The following LHX8 variants were observed in gnomAD, a reference collection of about 807,000 sequenced individuals.
LHX8 encodes LIM/homeobox protein Lhx8.
LHX8 carries 12 observed loss-of-function variants against 40.3 expected under a neutral mutation model. That is an observed-to-expected ratio of 0.30 (90% CI 0.19 to 0.48). The LOEUF is 0.48. LHX8 is among the 20% of genes least tolerant of loss of function. The pLI, the probability that LHX8 is intolerant of heterozygous loss-of-function variation, is 0.99. For synonymous variants in LHX8, 179 were observed against 162.0 expected (o/e 1.10, Z -0.80); for missense variants, 344 against 433.7 (o/e 0.79, Z 1.84).
At chr1:75,185,334 A>G in the LHX8 span, among the ~76,000 whole-genome samples, 1 of 152,176 alleles carries the variant, frequency 6.6e-6, no homozygotes, top group Non-Finnish European at 1.5e-5. Context: ...CTTGATGAAC[A>G]TTGATGCAAA....
chr1:75,170,132 T>G, the LHX8 span, among the ~76,000 whole-genome samples: 4 of 152,240 alleles, frequency 2.6e-5, no homozygotes, highest in Non-Finnish European at 5.9e-5. Context: ...TTTTCTCTGC[T>G]CAGCTGAAAA....
At chr1:75,174,426 C>T in the LHX8 span, among the ~76,000 whole-genome samples, 1 of 152,194 alleles carries the variant, frequency 6.6e-6, no homozygotes, top group Non-Finnish European at 1.5e-5. Flanking sequence ...CTCCCTACAC[C>T]TGTAATTCCA....
the LHX8 span, among the ~76,000 whole-genome samples, chr1:75,175,024 A>G: frequency 1.2e-4 from 18 of 152,146 alleles, no homozygotes; most frequent in Non-Finnish European, 2.9e-5. Flanking sequence ...TTGCGTCCTC[A>G]TAGCTTAGCT....
At chr1:75,193,438 C>A in the LHX8 span, among the ~76,000 whole-genome samples, 2 of 152,180 alleles carry the variant, frequency 1.3e-5, no homozygotes, top group African/African-American at 4.8e-5. Flanking sequence ...AGGTCTGGGA[C>A]AGCCAGAGGT....
At chr1:75,181,816 G>A in the LHX8 span, among the ~76,000 whole-genome samples, 13 of 152,192 alleles carry the variant, frequency 8.5e-5, no homozygotes, top group Admixed American at 7.2e-4. Context: ...AGCTGTTCCT[G>A]TTCGGCCATC....
At chr1:75,145,854 C>A (rs1295608353) in intron 6 of LHX8, among the ~76,000 whole-genome samples, 1 of 152,014 alleles carries the variant, frequency 6.6e-6, no homozygotes. Flanking sequence ...TGATCTAAAT[C>A]ATAAGTTTTA....
chr1:75,135,761 G>A (rs1028785226), intron 1 of LHX8, among the ~76,000 whole-genome samples: 3 of 152,196 alleles, frequency 2.0e-5, no homozygotes, highest in Admixed American at 6.5e-5. Flanking sequence ...GTCAGAGGTT[G>A]GGTGAGTTCT....
At chr1:75,159,538 T>C (rs1648860914) in intron 8 of LHX8, 1 of 152,146 alleles carries the variant, frequency 6.6e-6, no homozygotes, top group African/African-American at 2.4e-5. Flanking sequence ...ATTTATTATG[T>C]TTTTCAGTTT....
intron 4 of LHX8, among the ~76,000 whole-genome samples, chr1:75,141,614 T>C (rs1648313518): frequency 6.6e-6 from 1 of 152,156 alleles, no homozygotes; most frequent in South Asian, 2.1e-4. Flanking sequence ...CTGGTATAAA[T>C]ACACCAAATC....
Position 75,134,820 on chromosome 1 carries a change from A to T in LHX8, c.-147A>T. 1 of 401,408 alleles carries T rather than the reference A, an allele frequency of 2.5e-6. No homozygotes were observed. Among genetic ancestry groups the T allele is most frequent in the Non-Finnish European group, 3.1e-6 (1 of 322,778 alleles). The allele number at this position is 401,408 out of a possible 1,614,324, so 24.9% of individuals were successfully genotyped here. On this transcript the variant is annotated 5_prime_UTR_variant, in exon 1 of 9. Transcript: ENST00000356261. ...TAACGGCCTCATCTTCAGACCTGGC[A>T]ATTTTTTTTTTTTATTACGTAGTAG... is the stretch of plus-strand genomic sequence containing the variant.
intron 3 of LHX8, among the ~76,000 whole-genome samples, chr1:75,137,748 G>A (rs1648195248): frequency 6.6e-6 from 1 of 152,208 alleles, no homozygotes; most frequent in African/African-American, 2.4e-5. Context: ...CCCTTTTGCA[G>A]TGTCTCTTTT....
chr1:75,175,528 T>C, the LHX8 span, among the ~76,000 whole-genome samples: 1 of 152,182 alleles, frequency 6.6e-6, no homozygotes. Context: ...TATTGCATTG[T>C]GGAATTTGAT....
chr1:75,147,530 G>A (rs1648493687), intron 6 of LHX8, among the ~76,000 whole-genome samples: 1 of 152,132 alleles, frequency 6.6e-6, no homozygotes, highest in Non-Finnish European at 1.5e-5. Context: ...ATTATATGAG[G>A]AGCATAGTGG....
At chr1:75,173,971 T>C in the LHX8 span, among the ~76,000 whole-genome samples, 2 of 152,050 alleles carry the variant, frequency 1.3e-5, no homozygotes, top group Non-Finnish European at 2.9e-5. Context: ...GGAAATGCTC[T>C]TTGGAGCATT....
At chr1:75,156,412 T>G (rs1182707995) in intron 7 of LHX8, among the ~76,000 whole-genome samples, 2 of 152,124 alleles carry the variant, frequency 1.3e-5, no homozygotes, top group East Asian at 1.9e-4. Flanking sequence ...CAGCTAGTTT[T>G]TGTATTTTTA....
At chr1:75,179,502 G>GTTTTTTTTTT in the LHX8 span, among the ~76,000 whole-genome samples, 17 of 108,466 alleles carry the variant, frequency 1.6e-4, no homozygotes, top group South Asian at 3.1e-4. Flanking sequence ...AACCCCTGTT[G>GTTTTTTTTTT]TTTTTTTTTT....
chr1:75,185,509 T>C, the LHX8 span, among the ~76,000 whole-genome samples: 6 of 149,862 alleles, frequency 4.0e-5, no homozygotes, highest in African/African-American at 1.5e-4. Context: ...ACACATATGA[T>C]TACCTCAATA....
rs144843699 is a variant in LHX8 at position 75,135,568 on chromosome 1, G to A, written c.-13+614G>A. Among the ~76,000 whole-genome samples the A allele has an allele frequency of 8.2e-4, 125 of 152,294 alleles. 1 individual carries two copies. Among genetic ancestry groups the A allele is most frequent in the African/African-American group, 2.9e-3 (121 of 41,568 alleles). ...TCCAGAGGGAGGGAGAAGGGGAGGCGAACAGTCAGAAATGCAGAAGTGCGA... is the reference window on the plus strand; with the variant it reads ...TCCAGAGGGAGGGAGAAGGGGAGGCAAACAGTCAGAAATGCAGAAGTGCGA... On this transcript the variant is annotated intron_variant, in intron 1 of 8. Coordinates refer to ENST00000356261, the MANE Select transcript of LHX8 (RefSeq NM_001256114.2).
At chr1:75,149,816 G>T (rs1274158950) in intron 7 of LHX8, among the ~76,000 whole-genome samples, 1 of 152,170 alleles carries the variant, frequency 6.6e-6, no homozygotes, top group Non-Finnish European at 1.5e-5. Context: ...CAAAGTGCTG[G>T]AATTATTGGC....
Sources: allele counts gnomAD v4.1 joint callset (sites outside exome capture counted in the v4.1 genomes callset), GRCh38; gene constraint gnomAD v4.1.1; transcripts MANE v1.5; gene names NCBI Gene and HGNC (gene_info 2026-07-23, HGNC 2026-07-21).